GPM6A: variants seen among roughly 807,000 people sequenced by gnomAD.
GPM6A encodes neuronal membrane glycoprotein M6-a.
A neutral mutation model predicts 32.1 loss-of-function variants in GPM6A; 7 were observed. The observed-to-expected ratio is 0.22, with a 90% CI of 0.12 to 0.41. The LOEUF is 0.41. Among genes scored for constraint, GPM6A ranks in the 10% least tolerant of loss-of-function variants. GPM6A has a pLI of 1.00. For synonymous variants in GPM6A, 130 were observed against 123.4 expected (o/e 1.05, Z -0.35); for missense variants, 235 against 347.2 (o/e 0.68, Z 2.57).
intron 1 of GPM6A, among the ~76,000 whole-genome samples, chr4:175,931,671 TACAC>T (rs376901123): frequency 0.085 from 11,472 of 135,630 alleles, 540 homozygotes; most frequent in South Asian, 0.24. Context: ...TTAAAAAATA[TACAC>T]ACACACACAC....
At position 175,637,180 on chromosome 4, in the gene GPM6A, G is replaced by C. The variant is rs1218508304; in HGVS notation, c.685-2123C>G. Among the ~76,000 whole-genome samples, 12 of 57,326 alleles carry C rather than the reference G, an allele frequency of 2.1e-4. No homozygotes were observed. The South Asian group carries it at 4.5e-3, about 22-fold the overall frequency. The allele number at this position is 57,326 out of a possible 152,430, so 37.6% of individuals were successfully genotyped here. On this transcript the variant is annotated intron_variant, in intron 6 of 6. Coordinates refer to ENST00000393658, the MANE Select transcript of GPM6A (RefSeq NM_201591.3). Reference sequence around the variant, plus strand: ...GTCACATATAATATATCATATATGTGACATATATCATATATTATATGTGAC... The same window carrying C: ...GTCACATATAATATATCATATATGTCACATATATCATATATTATATGTGAC...
At chr4:175,754,073 T>G (rs1732438041) in intron 1 of GPM6A, among the ~76,000 whole-genome samples, 1 of 152,166 alleles carries the variant, frequency 6.6e-6, no homozygotes, top group South Asian at 2.1e-4. Context: ...TTAAAAGTAT[T>G]ACCAAATCAC....
intron 1 of GPM6A, among the ~76,000 whole-genome samples, chr4:175,713,940 GT>G (rs1294384971): frequency 3.3e-5 from 5 of 151,828 alleles, no homozygotes; most frequent in Admixed American, 6.6e-5. Context: ...GTTCTACTTT[GT>G]CATAGATTTT....
At chr4:175,847,895 G>A (rs191211812) in intron 1 of GPM6A, among the ~76,000 whole-genome samples, 8 of 152,270 alleles carry the variant, frequency 5.3e-5, no homozygotes, top group Admixed American at 3.3e-4. Flanking sequence ...GAACAGAAAC[G>A]TGCTCTGATC....
chr4:175,769,846 A>C (rs2111229324), intron 1 of GPM6A, among the ~76,000 whole-genome samples: 1 of 152,360 alleles, frequency 6.6e-6, no homozygotes, highest in Non-Finnish European at 1.5e-5. Context: ...AATAAAGTTA[A>C]GACTAATCAT....
chr4:175,704,581 AAAT>A (rs1745069728), intron 1 of GPM6A, among the ~76,000 whole-genome samples: 1 of 152,184 alleles, frequency 6.6e-6, no homozygotes, highest in African/African-American at 2.4e-5. Flanking sequence ...GATTATTTAA[AAAT>A]AATAATCATA....
At chr4:175,905,055 C>T in intron 1 of GPM6A, among the ~76,000 whole-genome samples, 1 of 151,912 alleles carries the variant, frequency 6.6e-6, no homozygotes. Context: ...AAAGCAAAGA[C>T]CCAAAAAAGC....
At chr4:175,713,699 A>G (rs1264454581) in intron 1 of GPM6A, among the ~76,000 whole-genome samples, 2 of 152,220 alleles carry the variant, frequency 1.3e-5, no homozygotes, top group Non-Finnish European at 2.9e-5. Flanking sequence ...AGTCATGGCT[A>G]TAATACTCTG....
At chr4:175,964,805 T>C (rs1452404396) in intron 1 of GPM6A, among the ~76,000 whole-genome samples, 2 of 152,114 alleles carry the variant, frequency 1.3e-5, no homozygotes, top group Non-Finnish European at 2.9e-5. Context: ...AGTACAGACA[T>C]CAGAGCAAGG....
chr4:175,884,268 A>G (rs1737378178), intron 1 of GPM6A, among the ~76,000 whole-genome samples: 1 of 152,230 alleles, frequency 6.6e-6, no homozygotes, highest in Admixed American at 6.5e-5. Context: ...CAAGATCGTT[A>G]GATTCATTGT....
intron 1 of GPM6A, among the ~76,000 whole-genome samples, chr4:175,800,337 C>T (rs1255896978): frequency 1.3e-5 from 2 of 152,124 alleles, no homozygotes; most frequent in Non-Finnish European, 2.9e-5. Context: ...TCAATGTATG[C>T]TAACCCTGTG....
At chr4:175,682,124 G>T (rs1328066214) in intron 2 of GPM6A, among the ~76,000 whole-genome samples, 3 of 149,908 alleles carry the variant, frequency 2.0e-5, no homozygotes, top group Admixed American at 6.6e-5. Context: ...CTGGAGCAAA[G>T]GTCACACATG....
At chr4:175,997,791 A>C (rs1285694357) in intron 1 of GPM6A, among the ~76,000 whole-genome samples, 2 of 152,218 alleles carry the variant, frequency 1.3e-5, no homozygotes, top group Non-Finnish European at 2.9e-5. Context: ...ATTGAGTAAG[A>C]GCAAAATATT....
Position 175,687,822 on chromosome 4 carries a change from C to G in GPM6A, c.230+13753G>C, listed in dbSNP as rs182546556. Among the ~76,000 whole-genome samples the G allele has an allele frequency of 1.5e-3, 235 of 152,266 alleles. 1 individual carries two copies. Among genetic ancestry groups the G allele is most frequent in the Non-Finnish European group, 3.0e-3 (201 of 68,014 alleles). ...GAACACTAGGGTTCAAATTTATTCCCATACTCACCCACACTTGTTATTTTC... is the reference window on the plus strand; with the variant it reads ...GAACACTAGGGTTCAAATTTATTCCGATACTCACCCACACTTGTTATTTTC... On this transcript the variant is annotated intron_variant, in intron 2 of 6. Coordinates refer to ENST00000393658, the MANE Select transcript of GPM6A (RefSeq NM_201591.3).
intron 1 of GPM6A, among the ~76,000 whole-genome samples, chr4:175,854,876 A>G (rs1736369306): frequency 6.6e-6 from 1 of 152,196 alleles, no homozygotes; most frequent in African/African-American, 2.4e-5. Flanking sequence ...GAAAGGATTA[A>G]AAGGAATAGC....
chr4:175,946,978 T>C (rs1454126461), intron 1 of GPM6A, among the ~76,000 whole-genome samples: 1 of 152,032 alleles, frequency 6.6e-6, no homozygotes. Flanking sequence ...GAAAGCAAAA[T>C]CATTTAAGAG....
intron 1 of GPM6A, among the ~76,000 whole-genome samples, chr4:175,869,464 A>G (rs1166263631): frequency 6.6e-6 from 1 of 152,146 alleles, no homozygotes; most frequent in African/African-American, 2.4e-5. Flanking sequence ...TTAAAAAAAA[A>G]CAACAAAACT....
At chr4:175,761,257 C>T (rs1732727638) in intron 1 of GPM6A, among the ~76,000 whole-genome samples, 1 of 152,086 alleles carries the variant, frequency 6.6e-6, no homozygotes, top group Non-Finnish European at 1.5e-5. Context: ...ACCATGTCTG[C>T]CTGTTTTTGT....
chr4:175,740,684 T>G (rs1197898554), intron 1 of GPM6A, among the ~76,000 whole-genome samples: 1 of 152,190 alleles, frequency 6.6e-6, no homozygotes, highest in South Asian at 2.1e-4. Context: ...GATTAGAAAA[T>G]ATTTTTGTTT....
Sources: gnomAD v4.1 joint callset for allele counts (sites outside exome capture counted in the v4.1 genomes callset) on GRCh38, gnomAD v4.1.1 for gene constraint, MANE v1.5 for transcripts, NCBI Gene and HGNC (gene_info 2026-07-23, HGNC 2026-07-21) for gene names.